Variants in NTPCR observed in about 807,000 individuals in gnomAD.
The protein encoded by NTPCR is cancer-related nucleoside-triphosphatase.
In NTPCR, 15 loss-of-function variants were observed where a neutral mutation model predicts 19.5. The observed-to-expected ratio is 0.77, with a 90% confidence interval of 0.51 to 1.18. NTPCR has a LOEUF of 1.18. NTPCR is among the 50% of genes most tolerant of loss of function. The pLI is 0.00. For missense variants in NTPCR, 206 were observed against 240.4 expected (o/e 0.86, Z 0.95); for synonymous variants, 90 against 95.8 (o/e 0.94, Z 0.36).
intron 3 of NTPCR, 118 bp downstream of exon 3, chr1:232,956,561 T>G: frequency 2.9e-6 from 2 of 678,814 alleles, no homozygotes; most frequent in East Asian, 5.5e-5. Context: ...ATTTTACAAT[T>G]GAAAAGATTG....
At chr1:232,967,090 C>G (rs965817456) in intron 3 of NTPCR, 3 of 152,172 alleles carry the variant, frequency 2.0e-5, no homozygotes, top group African/African-American at 7.2e-5. Context: ...ACCTGGGCCC[C>G]TATTGTTCTA....
intron 3 of NTPCR, chr1:232,966,527 A>T (rs139037406): frequency 6.6e-6 from 1 of 152,374 alleles, no homozygotes; most frequent in African/African-American, 2.4e-5. Flanking sequence ...AAAAGTACAT[A>T]TAAAAATAAA....
At chr1:232,956,575 C>G in intron 3 of NTPCR, 132 bp downstream of exon 3, 1 of 649,764 alleles carries the variant, frequency 1.5e-6, no homozygotes, top group Non-Finnish European at 2.8e-6. Flanking sequence ...AAGATTGAGT[C>G]TTAATAAGGA....
intron 3 of NTPCR, 95 bp downstream of exon 3, chr1:232,956,538 G>A: frequency 1.2e-6 from 1 of 816,116 alleles, no homozygotes; most frequent in Non-Finnish European, 2.1e-6. Flanking sequence ...GCTCTTAAAG[G>A]CCCCAGTTTT....
At chr1:232,956,793 A>G (rs913739333) in intron 3 of NTPCR, among the ~76,000 whole-genome samples, 2 of 152,254 alleles carry the variant, frequency 1.3e-5, no homozygotes, top group Non-Finnish European at 2.9e-5. Flanking sequence ...TTATATGAAC[A>G]TAATAGCCAG....
chr1:232,969,817 T>G (rs1668922223), intron 3 of NTPCR, 92 bp from the exon 4 acceptor site: 2 of 1,045,542 alleles, frequency 1.9e-6, no homozygotes, highest in South Asian at 2.6e-5. Context: ...CTGTCTTTTT[T>G]ACCTCATTGG....
chr1:232,966,983 A>G (rs1036419690), intron 3 of NTPCR: 1 of 151,706 alleles, frequency 6.6e-6, no homozygotes, highest in South Asian at 2.1e-4. Context: ...GTTTTTACAC[A>G]CTCCTTACTC....
chr1:232,966,340 C>T (rs1668816680), intron 3 of NTPCR: 1 of 152,110 alleles, frequency 6.6e-6, no homozygotes, highest in African/African-American at 2.4e-5. Flanking sequence ...GTCTGTGTGT[C>T]TGATATTAAA....
At chr1:232,951,052 G>T in intron 1 of NTPCR, 1 of 366,998 alleles carries the variant, frequency 2.7e-6, no homozygotes, top group Non-Finnish European at 4.9e-6. Context: ...TGACGTTGTG[G>T]TCTGCACAAA....
chr1:232,951,928 A>G (rs1370733768), intron 1 of NTPCR, among the ~76,000 whole-genome samples: 1 of 152,166 alleles, frequency 6.6e-6, no homozygotes. Flanking sequence ...ACCCCAAGAC[A>G]ACTGTGTGTT....
chr1:232,955,530 C>CT (rs55951151), intron 1 of NTPCR, 27 bp from the exon 2 acceptor site: 74,461 of 1,344,436 alleles, frequency 0.055, 542 homozygotes, highest in Admixed American at 0.097. Flanking sequence ...GGCTTTTCTT[C>CT]TTTTTTTTTT....
chr1:232,981,453 T>C lies in NTPCR; in HGVS notation c.*3222T>C, dbSNP rs1043374062. 10 of 152,236 alleles carry C rather than the reference T, an allele frequency of 6.6e-5. No individual in the cohort carries two copies. The highest frequency in any genetic ancestry group is 2.2e-4 in the African/African-American group (9 of 41,444). The allele number at this position is 152,236 out of a possible 1,614,324, so 9.4% of individuals were successfully genotyped here. A position where few individuals can be genotyped will look rare whatever the true frequency, so the allele number is the denominator to read the frequency against. On this transcript the variant is annotated 3_prime_UTR_variant, in exon 5 of 5. Transcript: ENST00000366628. The stretch of plus-strand genomic sequence containing the variant: ...GCTGATGGCGGATGCTTGTGTAGCA[T>C]AGTGACTTGGGACAAAACAGCATGG...
chr1:232,964,313 C>T (rs1668754064), intron 3 of NTPCR: 1 of 152,182 alleles, frequency 6.6e-6, no homozygotes, highest in African/African-American at 2.4e-5. Flanking sequence ...GATGATGCAT[C>T]CTTCTCGAGT....
intron 3 of NTPCR, among the ~76,000 whole-genome samples, chr1:232,958,926 A>T (rs1242756327): frequency 1.3e-5 from 2 of 152,200 alleles, no homozygotes; most frequent in Non-Finnish European, 2.9e-5. Context: ...TAGTGTCTAG[A>T]TGCAAGATTA....
chr1:232,959,606 A>G (rs992452849), intron 3 of NTPCR, among the ~76,000 whole-genome samples: 3 of 152,224 alleles, frequency 2.0e-5, no homozygotes, highest in Admixed American at 1.3e-4. Flanking sequence ...TAATTAGGCA[A>G]CAAAACTGGG....
chr1:232,978,036 G>A, intron 4 of NTPCR, 127 bp from the exon 5 acceptor site: 1 of 689,766 alleles, frequency 1.4e-6, no homozygotes, highest in South Asian at 1.8e-5. Context: ...TGGGCCTCCT[G>A]CCTGGGTAAC....
chr1:232,960,498 C>T (rs7555923), intron 3 of NTPCR, among the ~76,000 whole-genome samples: 40,711 of 151,512 alleles, frequency 0.27, 5,511 homozygotes, highest in African/African-American at 0.31. Context: ...TGCCTGCCAC[C>T]GCACCTGGCT....
intron 4 of NTPCR, chr1:232,976,220 T>C (rs897245294): frequency 8.2e-6 from 10 of 1,218,282 alleles, no homozygotes; most frequent in Admixed American, 3.4e-5. Context: ...CATTGTATAA[T>C]GATCAAATCA....
intron 4 of NTPCR, 126 bp from the exon 5 acceptor site, chr1:232,978,037 C>T (rs1010562351): frequency 4.3e-6 from 3 of 692,704 alleles, no homozygotes; most frequent in Non-Finnish European, 7.4e-6. Context: ...GGGCCTCCTG[C>T]CTGGGTAACA....
Sources: gnomAD v4.1 joint callset for allele counts (sites outside exome capture counted in the v4.1 genomes callset) on GRCh38, gnomAD v4.1.1 for gene constraint, MANE v1.5 for transcripts, NCBI Gene and HGNC (gene_info 2026-07-23, HGNC 2026-07-21) for gene names.